The following OASL variants were observed in gnomAD, a reference collection of about 807,000 sequenced individuals.
OASL encodes the protein 2'-5'-oligoadenylate synthetase like.
A neutral mutation model predicts 35.3 loss-of-function variants in OASL; 28 were observed. The observed-to-expected ratio is 0.79, with a 90% CI of 0.59 to 1.09. OASL has a LOEUF of 1.09. Ranked by LOEUF, OASL falls within the 50% of genes least tolerant of loss-of-function variation. The pLI is 0.00. For missense variants in OASL, 620 were observed against 635.2 expected (o/e 0.98, Z 0.26); for synonymous variants, 252 against 254.6 (o/e 0.99, Z 0.10).
Position 121,024,142 on chromosome 12 carries a change from A to T in OASL, c.900-5T>A. On this transcript the variant is annotated splice_polypyrimidine_tract_variant and splice_region_variant and intron_variant, in intron 4 of 5. Coordinates refer to ENST00000257570, the Ensembl canonical transcript of OASL. ...GCCGGATCCAGGATGATGGGCCTGT[A>T]ACACAGGAAAAGGGTGCCCAGGCTC... 6.2e-7 allele frequency: 1 copy of T among 1,613,580 alleles called. No individual in the cohort carries two copies. The highest frequency in any genetic ancestry group is 1.1e-5 in the South Asian group (1 of 91,066).
At chr12:121,026,627 G>A (rs1298850569) in intron 4 of OASL, among the ~76,000 whole-genome samples, 2 of 152,182 alleles carry the variant, frequency 1.3e-5, no homozygotes, top group Non-Finnish European at 2.9e-5. Flanking sequence ...CAAGGCAGGC[G>A]CATCACCTGA....
chr12:121,031,505 G>A lies in OASL; in HGVS notation c.594C>T (p.Phe198=), dbSNP rs759301773. ...TCAGCTTAGTTGGCCGATGTTTCACGAAATTTCTCTGCAGCTCGCTGAAGG... is the reference window on the plus strand; with the variant it reads ...TCAGCTTAGTTGGCCGATGTTTCACAAAATTTCTCTGCAGCTCGCTGAAGG... Residue 198 remains phenylalanine, a synonymous_variant, in exon 3 of 6, where the codon TTC becomes TTT. Transcript: ENST00000257570. The A allele has an allele frequency of 2.4e-5, 39 of 1,614,032 alleles. No individual in the cohort carries two copies. The East Asian group carries it at 5.8e-4, about 24-fold the overall frequency.
At chr12:121,018,695 C>T (rs1339597327), downstream of OASL, among the ~76,000 whole-genome samples, 9 of 150,900 alleles carry the variant, frequency 6.0e-5, no homozygotes, top group Non-Finnish European at 8.9e-5. Flanking sequence ...GGTGAAACCC[C>T]GTCTCTACTA....
At chr12:121,020,284 C>G in exon 6 of OASL, 1 of 316,500 alleles carries the variant, frequency 3.2e-6, no homozygotes, top group East Asian at 6.5e-5. Flanking sequence ...CAAATGTGCA[C>G]AACCACACCC....
chr12:121,027,469 C>G (rs1869535393), intron 4 of OASL, 107 bp downstream of exon 4: 1 of 1,505,326 alleles, frequency 6.6e-7, no homozygotes, highest in Non-Finnish European at 9.0e-7. Flanking sequence ...ACTATGGTGG[C>G]AGCCTTACTG....
At position 121,039,074 on chromosome 12, in the gene OASL, C is replaced by T. The variant is rs544613853; in HGVS notation, c.-103G>A. 5.7e-5 allele frequency: 52 copies of T among 918,350 alleles called. No homozygotes were observed. The South Asian group carries it at 7.2e-4, about 13-fold the overall frequency. 56.9% of individuals were successfully genotyped at this position (918,350 alleles called of 1,614,324 possible). ...TTAAGGTAGCTCCTCCTCAGCTGCC[C>T]TCCAGTGCTCTGTGGGAGGAGGGAC... On this transcript the variant is annotated 5_prime_UTR_variant, in exon 1 of 6. Coordinates refer to ENST00000257570, the Ensembl canonical transcript of OASL.
At chr12:121,034,940 T>A (rs2135915843) in intron 1 of OASL, among the ~76,000 whole-genome samples, 1 of 152,242 alleles carries the variant, frequency 6.6e-6, no homozygotes, top group Middle Eastern at 3.4e-3. Flanking sequence ...TTCGATGTTT[T>A]GAGATTCTAG....
At chr12:121,030,180 T>C (rs1869666564) in intron 3 of OASL, among the ~76,000 whole-genome samples, 1 of 152,090 alleles carries the variant, frequency 6.6e-6, no homozygotes, top group Non-Finnish European at 1.5e-5. Flanking sequence ...TGGCCGGTAA[T>C]TGTTTTTTCT....
Position 121,033,756 on chromosome 12 carries a change from G to T in OASL, c.199-13C>A. 6.2e-7 allele frequency: 1 copy of T among 1,608,738 alleles called. No individual in the cohort carries two copies. The highest frequency in any genetic ancestry group is 8.5e-7 in the Non-Finnish European group (1 of 1,177,874). On this transcript the variant is annotated splice_polypyrimidine_tract_variant and intron_variant, in intron 1 of 5. Coordinates refer to ENST00000257570, the Ensembl canonical transcript of OASL. ...CGAAGGAGCCCACCTGCAGAACACA[G>T]AGCCCCGTCACCCTGAGGCCCACTG...
chr12:121,024,279 A>C, intron 4 of OASL, 142 bp from the exon 5 acceptor site: 1 of 807,784 alleles, frequency 1.2e-6, no homozygotes, highest in Non-Finnish European at 1.9e-6. Context: ...GGGCCCCAAA[A>C]CACCGCAGGA....
intron 5 of OASL, 51 bp downstream of exon 5, chr12:121,023,939 A>T: frequency 2.5e-6 from 4 of 1,604,578 alleles, no homozygotes; most frequent in Non-Finnish European, 3.4e-6. Flanking sequence ...TGAGTAGTTT[A>T]TCTGTCGTTC....
At chr12:121,038,318 T>G (rs958598594) in intron 1 of OASL, among the ~76,000 whole-genome samples, 6 of 152,156 alleles carry the variant, frequency 3.9e-5, no homozygotes, top group African/African-American at 7.2e-5. Context: ...ACCACAAAAC[T>G]ACTGTTACAC....
chr12:121,033,390 A>G, intron 2 of OASL, 71 bp downstream of exon 2: 1 of 1,506,284 alleles, frequency 6.6e-7, no homozygotes, highest in Non-Finnish European at 9.1e-7. Context: ...GGCCATGAGT[A>G]AAGGTGAGAC....
At chr12:121,023,392 G>A (rs1165038103) in intron 5 of OASL, among the ~76,000 whole-genome samples, 2 of 150,862 alleles carry the variant, frequency 1.3e-5, no homozygotes, top group East Asian at 4.0e-4. Flanking sequence ...GGGTTCAAGC[G>A]ATTCACCTGC....
At chr12:121,021,621 G>T (rs1388537970) in intron 5 of OASL, among the ~76,000 whole-genome samples, 1 of 152,230 alleles carries the variant, frequency 6.6e-6, no homozygotes, top group Non-Finnish European at 1.5e-5. Context: ...GACCAGCCTG[G>T]CCAACATGGC....
chr12:121,020,364 G>A (rs1014178657), exon 6 of OASL: 13 of 551,870 alleles, frequency 2.4e-5, no homozygotes, highest in African/African-American at 3.8e-5. Context: ...TGAACTCCTC[G>A]GCTCAAGCGC....
exon 6 of OASL, chr12:121,020,627 G>A: frequency 6.2e-7 from 1 of 1,613,950 alleles, no homozygotes; most frequent in Non-Finnish European, 8.5e-7. Context: ...TGTCTTGGAT[G>A]CCATAGATCC....
intron 1 of OASL, among the ~76,000 whole-genome samples, 172 bp downstream of exon 1, chr12:121,038,602 T>G (rs1870048163): frequency 1.3e-5 from 2 of 152,240 alleles, no homozygotes; most frequent in Non-Finnish European, 2.9e-5. Flanking sequence ...AGACTCATTC[T>G]ACTCAAGGCA....
chr12:121,038,266 T>C (rs545229346), intron 1 of OASL, among the ~76,000 whole-genome samples: 2 of 152,296 alleles, frequency 1.3e-5, no homozygotes, highest in East Asian at 1.9e-4. Context: ...GTCCCTAAAA[T>C]ACTTCAGTGT....
Sources: allele counts gnomAD v4.1 joint callset (sites outside exome capture counted in the v4.1 genomes callset), GRCh38; gene constraint gnomAD v4.1.1; transcripts MANE v1.5; gene names NCBI Gene and HGNC (gene_info 2026-07-23, HGNC 2026-07-21).